The following FGD5 variants were observed in gnomAD, a reference collection of about 807,000 sequenced individuals.
The protein encoded by FGD5 is FYVE, RhoGEF and PH domain-containing protein 5.
Under a neutral mutation model 133.4 loss-of-function variants are expected in FGD5, and 28 were observed. The observed-to-expected ratio is 0.21, with a 90% CI of 0.16 to 0.29. The LOEUF (loss-of-function observed/expected upper bound fraction) is 0.29. Ranked by LOEUF, FGD5 falls within the 10% of genes least tolerant of loss-of-function variation. The pLI is 1.00. For missense variants in FGD5, 1,858 were observed against 1,895.2 expected (o/e 0.98, Z 0.36); for synonymous variants, 810 against 776.5 (o/e 1.04, Z -0.72).
intron 1 of FGD5, among the ~76,000 whole-genome samples, chr3:14,831,120 A>C (rs1559472224): frequency 6.6e-6 from 1 of 152,146 alleles, no homozygotes; most frequent in Non-Finnish European, 1.5e-5. Flanking sequence ...GAATAGCAGG[A>C]GCAAAGGCCC....
At chr3:14,890,723 G>A (rs771105810) in intron 4 of FGD5, among the ~76,000 whole-genome samples, 3 of 152,222 alleles carry the variant, frequency 2.0e-5, no homozygotes, top group Non-Finnish European at 2.9e-5. Flanking sequence ...GGACTGAGTC[G>A]ATTCAGTGAG....
upstream of FGD5, among the ~76,000 whole-genome samples, chr3:14,815,639 T>C (rs1443920348): frequency 6.6e-6 from 1 of 152,234 alleles, no homozygotes; most frequent in East Asian, 1.9e-4. Context: ...TTAGTAGTTC[T>C]GAGCCCTGGA....
chr3:14,826,840 A>G (rs1163620350), intron 1 of FGD5, among the ~76,000 whole-genome samples: 2 of 152,158 alleles, frequency 1.3e-5, no homozygotes, highest in Non-Finnish European at 2.9e-5. Flanking sequence ...ACATCACATC[A>G]GTAAAACCAG....
chr3:14,854,897 TATATA>T (rs2037247012), intron 1 of FGD5, among the ~76,000 whole-genome samples: 1 of 152,216 alleles, frequency 6.6e-6, no homozygotes, highest in Admixed American at 6.5e-5. Context: ...TATTTGAAAC[TATATA>T]ATATATGATT....
At chr3:14,854,170 T>C (rs2037224726) in intron 1 of FGD5, among the ~76,000 whole-genome samples, 1 of 151,756 alleles carries the variant, frequency 6.6e-6, no homozygotes. Context: ...CAGTGACTCT[T>C]TTCTGTGTGA....
At chr3:14,902,823 A>G (rs1194266044) in intron 9 of FGD5, among the ~76,000 whole-genome samples, 1 of 152,118 alleles carries the variant, frequency 6.6e-6, no homozygotes, top group Non-Finnish European at 1.5e-5. Flanking sequence ...TTCCAGAGAG[A>G]AAAACTAGGT....
chr3:14,872,112 T>C (rs2037621428), intron 2 of FGD5, among the ~76,000 whole-genome samples: 1 of 152,234 alleles, frequency 6.6e-6, no homozygotes, highest in Admixed American at 6.5e-5. Flanking sequence ...GGAGCACTTG[T>C]GGTGCCCTCG....
At chr3:14,851,369 C>G (rs1024744883) in intron 1 of FGD5, among the ~76,000 whole-genome samples, 3 of 152,206 alleles carry the variant, frequency 2.0e-5, no homozygotes, top group Non-Finnish European at 4.4e-5. Context: ...GGTCATTGGG[C>G]TGATAAGTGG....
At chr3:14,844,461 C>T (rs931319484) in intron 1 of FGD5, among the ~76,000 whole-genome samples, 3 of 150,672 alleles carry the variant, frequency 2.0e-5, no homozygotes, top group Admixed American at 2.0e-4. Flanking sequence ...AGATCCATTC[C>T]AGGAATCTTG....
upstream of FGD5, among the ~76,000 whole-genome samples, chr3:14,817,335 A>G (rs2036385725): frequency 1.3e-5 from 2 of 152,096 alleles, no homozygotes; most frequent in Non-Finnish European, 2.9e-5. Context: ...AGCTGAGACT[A>G]CAGGCGTGTG....
rs962917045 is a variant in FGD5, at chr3:14,810,860, G to A, written c.8G>A (p.Arg3Lys). The change falls in exon 1 of 2, where the codon AGA becomes AAA. Residue 3 changes from arginine (R) to lysine (K), a missense_variant. Coordinates refer to the FGD5 transcript ENST00000640506. ...GGGCCCCGCGCGCTGAAGATGAACAGAGCAGGTAGGAGGCCCGGCGACCTC... is the reference window on the plus strand; with the variant it reads ...GGGCCCCGCGCGCTGAAGATGAACAAAGCAGGTAGGAGGCCCGGCGACCTC... 1.1e-4 allele frequency: 105 copies of A among 985,134 alleles called. 1 individual carries two copies. The East Asian group carries it at 0.011, about 103-fold the overall frequency. The allele number at this position is 985,134 out of a possible 1,614,324, so 61.0% of individuals were successfully genotyped here. A position where few individuals can be genotyped will look rare whatever the true frequency, so the allele number is the denominator to read the frequency against.
chr3:14,876,499 T>C (rs1289284901), intron 2 of FGD5, among the ~76,000 whole-genome samples: 4 of 152,090 alleles, frequency 2.6e-5, no homozygotes, highest in Non-Finnish European at 5.9e-5. Context: ...TACATGTTAA[T>C]ACAAGTAGCA....
At chr3:14,832,175 A>G (rs989489596) in intron 1 of FGD5, among the ~76,000 whole-genome samples, 5 of 152,202 alleles carry the variant, frequency 3.3e-5, no homozygotes, top group African/African-American at 7.2e-5. Flanking sequence ...CTGAGAGATA[A>G]TGCAGACACC....
intron 18 of FGD5, among the ~76,000 whole-genome samples, chr3:14,930,501 G>T (rs2038884369): frequency 6.6e-6 from 1 of 152,116 alleles, no homozygotes; most frequent in African/African-American, 2.4e-5. Context: ...TGAGGCCGAG[G>T]CATGAGAATC....
intron 1 of FGD5, among the ~76,000 whole-genome samples, chr3:14,843,349 C>T (rs1273317271): frequency 2.0e-5 from 3 of 152,112 alleles, no homozygotes; most frequent in Non-Finnish European, 4.4e-5. Flanking sequence ...GTTTTTAGCT[C>T]GGGAAAGTCA....
upstream of FGD5, among the ~76,000 whole-genome samples, chr3:14,816,576 T>C (rs966357437): frequency 6.6e-6 from 1 of 152,220 alleles, no homozygotes; most frequent in Non-Finnish European, 1.5e-5. Flanking sequence ...AGCTGATAAG[T>C]AGCAAAGTCA....
At position 14,821,434 on chromosome 3, in the gene FGD5, A is replaced by G. The variant is rs761257058; in HGVS notation, c.2363A>G (p.Gln788Arg). 6.2e-7 allele frequency: 1 copy of G among 1,614,030 alleles called. No individual in the cohort carries two copies. The highest frequency in any genetic ancestry group is 8.5e-7 in the Non-Finnish European group (1 of 1,179,900). The change falls in exon 1 of 20, where the codon CAG (glutamine) becomes CGG (arginine). Residue 788 changes from glutamine (Q) to arginine (R), a missense_variant. Around this residue, in one of 3 missense-constraint regions of FGD5, gnomAD observed 1,824 missense variants for 1,848.9 expected, o/e 0.99. Transcript: ENST00000285046. ...ATGAACTCGGACTATGAGAATATCCAGATTCCACCCCGGAGACCTGCCAGG... is the reference window on the plus strand; with the variant it reads ...ATGAACTCGGACTATGAGAATATCCGGATTCCACCCCGGAGACCTGCCAGG... The part of the protein sequence containing the change: ...PAMNSDYENI[Q>R]IPPRRPARAG...
Position 14,819,657 on chromosome 3 carries a change from C to A in FGD5, c.586C>A (p.Leu196Met). 6.5e-7 allele frequency: 1 copy of A among 1,548,718 alleles called. No homozygotes were observed. Among genetic ancestry groups the A allele is most frequent in the South Asian group, 1.2e-5 (1 of 83,496 alleles). Residue 196 changes from leucine to methionine, a missense_variant, in exon 1 of 20, where the codon CTG (leucine) becomes ATG (methionine). Physicochemically the swap from Leu to Met is conservative, Grantham distance 15. Coordinates refer to ENST00000285046, the MANE Select transcript of FGD5 (RefSeq NM_152536.4). The surrounding 1 kb of genome is among the most constrained non-coding windows in gnomAD (Gnocchi z 4.1). The stretch of plus-strand genomic sequence containing the variant: ...GGGGGTCTTCCAGAGCGACCTCCTC[C>A]TGCCTCACATCCATGGAGAGGACCA... ...GEGVFQSDLL[L>M]PHIHGEDQEP...
chr3:14,822,843 G>A (rs533708630), intron 1 of FGD5, among the ~76,000 whole-genome samples: 20 of 152,156 alleles, frequency 1.3e-4, no homozygotes, highest in Non-Finnish European at 2.4e-4. Context: ...TAGGGGACCC[G>A]CAGTCTTGAC....
Sources: gnomAD v4.1 joint callset for allele counts (sites outside exome capture counted in the v4.1 genomes callset) on GRCh38, gnomAD v4.1.1 for gene constraint, gnomAD v4.1.1 regional missense constraint, Gnocchi (gnomAD v3.1) non-coding constraint, MANE v1.5 for transcripts, NCBI Gene and HGNC (gene_info 2026-07-23, HGNC 2026-07-21) for gene names.